SLC35E1: variants seen among roughly 807,000 people sequenced by gnomAD.
SLC35E1 encodes the protein solute carrier family 35 member E1.
SLC35E1 carries 12 observed loss-of-function variants against 31.0 expected under a neutral mutation model. That is an observed-to-expected ratio of 0.39 (90% confidence interval 0.25 to 0.63). SLC35E1 has a LOEUF of 0.63. SLC35E1 is among the 20% of genes least tolerant of loss of function. The pLI, the probability that SLC35E1 is intolerant of heterozygous loss-of-function variation, is 0.52. For synonymous variants in SLC35E1, 257 were observed against 264.1 expected, an observed-to-expected ratio of 0.97 and a Z score of 0.26; for missense variants, 429 against 572.2, an observed-to-expected ratio of 0.75 and a Z score of 2.55.
At chr19:16,554,895 C>A (rs759665046) in intron 5 of SLC35E1, among the ~76,000 whole-genome samples, 24 of 151,682 alleles carry the variant, frequency 1.6e-4, no homozygotes, top group Non-Finnish European at 3.1e-4. Context: ...CCTTACACCG[C>A]ACTAAACAGA....
In SLC35E1 at chr19:16,552,839, A is replaced by G. The variant is rs1192386412; in HGVS notation, c.*840T>C. The G allele has an allele frequency of 2.6e-5, 4 of 152,376 alleles. No homozygotes were observed. The highest frequency in any genetic ancestry group is 6.8e-3 in the Middle Eastern group (2 of 292). The allele number at this position is 152,376 out of a possible 1,614,324, so 9.4% of individuals were successfully genotyped here. On this transcript the variant is annotated 3_prime_UTR_variant, in exon 6 of 6. Coordinates refer to ENST00000595753, the MANE Select transcript of SLC35E1 (RefSeq NM_024881.5). ...CACAGAAGAGGTGAAGATGCCTCTC[A>G]AAAGACATGTGCCACAGAAATAGAG...
intron 2 of SLC35E1, among the ~76,000 whole-genome samples, chr19:16,569,553 C>A (rs2085947708): frequency 6.6e-6 from 1 of 152,188 alleles, no homozygotes; most frequent in South Asian, 2.1e-4. Context: ...GCGTGTCCAG[C>A]TCTTCTGACT....
Position 16,563,822 on chromosome 19 carries a change from T to C in SLC35E1, c.756+2710A>G, listed in dbSNP as rs142926965. On this transcript the variant is annotated intron_variant, in intron 4 of 5. Transcript: ENST00000595753. Reference sequence around the variant, plus strand: ...CCTTTTCTCAGCACTCCAGTTGCAATTGTGCTGTGAGAATGCTCATTCTGA... The same window carrying C: ...CCTTTTCTCAGCACTCCAGTTGCAACTGTGCTGTGAGAATGCTCATTCTGA... Among the ~76,000 whole-genome samples the C allele has an allele frequency of 4.6e-3, 696 of 152,270 alleles. 9 individuals carry two copies. Among genetic ancestry groups the C allele is most frequent in the African/African-American group, 0.016 (647 of 41,554 alleles).
rs2085964866 is a variant in SLC35E1, at chr19:16,572,337, G to A, written c.28C>T (p.His10Tyr). The change falls in exon 1 of 6, where the codon CAC (histidine) becomes TAC (tyrosine). Residue 10 changes from histidine to tyrosine, a missense_variant. Physicochemically the swap from His to Tyr is moderately conservative, Grantham distance 83 (BLOSUM62 2). Coordinates refer to ENST00000595753, the MANE Select transcript of SLC35E1 (RefSeq NM_024881.5). This position sits in a 1 kb window ranked among gnomAD's most constrained non-coding sequence, Gnocchi z 4.1. Reference protein sequence around the residue: MAAAAVGAGHGAGGPGAASS... With the variant: MAAAAVGAGYGAGGPGAASS... ...GCTGCGCCCGGGCCCCCCGCGCCGT[G>A]GCCCGCGCCCACCGCGGCCGCCGCC... The A allele has an allele frequency of 8.9e-7, 1 of 1,125,014 alleles. No individual in the cohort carries two copies. Among genetic ancestry groups the A allele is most frequent in the Non-Finnish European group, 1.1e-6 (1 of 913,990 alleles). 69.7% of individuals were successfully genotyped at this position (1,125,014 alleles called of 1,614,324 possible). A position where few individuals can be genotyped will look rare whatever the true frequency, so the allele number is the denominator to read the frequency against.
chr19:16,556,789 A>G (rs2085877106), intron 4 of SLC35E1: 1 of 461,068 alleles, frequency 2.2e-6, no homozygotes, highest in Non-Finnish European at 4.5e-6. Context: ...CAGGATGTCT[A>G]CCTGACTCCA....
At chr19:16,554,463 G>A (rs932620420) in intron 5 of SLC35E1, among the ~76,000 whole-genome samples, 1 of 152,050 alleles carries the variant, frequency 6.6e-6, no homozygotes, top group Non-Finnish European at 1.5e-5. Flanking sequence ...AGGATCACTT[G>A]AGGCTAGGAG....
chr19:16,567,700 T>C (rs1213785319), intron 3 of SLC35E1, among the ~76,000 whole-genome samples: 3 of 152,106 alleles, frequency 2.0e-5, no homozygotes, highest in Non-Finnish European at 4.4e-5. Flanking sequence ...TAGCTGGGAT[T>C]ACAGATGCGT....
At chr19:16,571,029 C>T (rs971870655) in intron 2 of SLC35E1, among the ~76,000 whole-genome samples, 3 of 147,550 alleles carry the variant, frequency 2.0e-5, no homozygotes, top group African/African-American at 5.0e-5. Flanking sequence ...ACCTGGGAGG[C>T]GGAGGTTGCA....
rs1393696965 is a variant in SLC35E1, at chr19:16,572,355, C to A, written c.10G>T (p.Ala4Ser). The A allele has an allele frequency of 9.7e-7, 1 of 1,026,404 alleles. No individual in the cohort carries two copies. The allele number at this position is 1,026,404 out of a possible 1,614,324, so 63.6% of individuals were successfully genotyped here. A position where few individuals can be genotyped will look rare whatever the true frequency, so the allele number is the denominator to read the frequency against. ...GCGCCGTGGCCCGCGCCCACCGCGG[C>A]CGCCGCCATCCTGCCCGAGCGGCCG... MAAAAVGAGHGAGG... is the reference protein window; with the variant it reads MAASAVGAGHGAGG... Residue 4 changes from alanine (A) to serine (S), a missense_variant, in exon 1 of 6, where the codon GCC becomes TCC. Transcript: ENST00000595753. This position sits in a 1 kb window ranked among gnomAD's most constrained non-coding sequence, Gnocchi z 4.1.
intron 4 of SLC35E1, among the ~76,000 whole-genome samples, chr19:16,562,070 T>C (rs1156450531): frequency 2.0e-5 from 3 of 150,384 alleles, no homozygotes; most frequent in East Asian, 3.9e-4. Context: ...ATAACATACA[T>C]AGCCTCAACT....
chr19:16,555,512 A>C lies in SLC35E1; in HGVS notation c.757-115T>G, dbSNP rs1599315757. On this transcript the variant is annotated intron_variant, in intron 4 of 5. Coordinates refer to ENST00000595753, the MANE Select transcript of SLC35E1 (RefSeq NM_024881.5). This position sits in a 1 kb window ranked among gnomAD's most constrained non-coding sequence, Gnocchi z 4.1. Reference sequence around the variant, plus strand: ...TGTGGAGGGGCTCATCTGGAGCCTCATGGTCCACAGGCAGCCAGTCCAGAT... The same window carrying C: ...TGTGGAGGGGCTCATCTGGAGCCTCCTGGTCCACAGGCAGCCAGTCCAGAT... 1 of 1,423,502 alleles carries C rather than the reference A, an allele frequency of 7.0e-7. No individual in the cohort carries two copies. The highest frequency in any genetic ancestry group is 9.4e-7 in the Non-Finnish European group (1 of 1,065,746). 88.2% of individuals were successfully genotyped at this position (1,423,502 alleles called of 1,614,324 possible).
At chr19:16,554,619 G>A (rs938235933) in intron 5 of SLC35E1, among the ~76,000 whole-genome samples, 1 of 152,084 alleles carries the variant, frequency 6.6e-6, no homozygotes, top group East Asian at 1.9e-4. Context: ...TCAGGAGTTG[G>A]AGGCTGGCCT....
rs2085855713 is a variant in SLC35E1, at chr19:16,553,394, G to T, written c.*285C>A. On this transcript the variant is annotated 3_prime_UTR_variant, in exon 6 of 6. Coordinates refer to ENST00000595753, the MANE Select transcript of SLC35E1 (RefSeq NM_024881.5). ...ATTCCACATGGAAAGGTACAACGTG[G>T]CCAAGATCTCCGCAGGGACACGGCC... The T allele has an allele frequency of 3.8e-6, 1 of 261,230 alleles. No homozygotes were observed. The highest frequency in any genetic ancestry group is 7.2e-6 in the Non-Finnish European group (1 of 138,728). The allele number at this position is 261,230 out of a possible 1,614,324, so 16.2% of individuals were successfully genotyped here. A position where few individuals can be genotyped will look rare whatever the true frequency, so the allele number is the denominator to read the frequency against.
chr19:16,564,459 C>T (rs1034696002), intron 4 of SLC35E1, among the ~76,000 whole-genome samples: 2 of 152,110 alleles, frequency 1.3e-5, no homozygotes, highest in Non-Finnish European at 2.9e-5. Flanking sequence ...GCGTGCACCA[C>T]CATGCCTGGC....
chr19:16,562,080 TA>T (rs890104078), intron 4 of SLC35E1, among the ~76,000 whole-genome samples: 16 of 140,410 alleles, frequency 1.1e-4, no homozygotes, highest in African/African-American at 1.3e-4. Context: ...TAGCCTCAAC[TA>T]AAAAAAAAAG....
intron 4 of SLC35E1, among the ~76,000 whole-genome samples, chr19:16,559,311 G>A (rs1009425852): frequency 6.6e-5 from 10 of 150,510 alleles, no homozygotes; most frequent in East Asian, 4.0e-4. Flanking sequence ...GCAAGACTCC[G>A]TCTAAGGGAA....
At chr19:16,564,301 A>AT (rs965116549) in intron 4 of SLC35E1, 5 of 151,818 alleles carry the variant, frequency 3.3e-5, no homozygotes, top group East Asian at 1.9e-4. Context: ...AGACAGGACA[A>AT]TTTTTTTTTC....
intron 4 of SLC35E1, among the ~76,000 whole-genome samples, chr19:16,559,117 T>C (rs2122330487): frequency 6.6e-6 from 1 of 151,748 alleles, no homozygotes; most frequent in African/African-American, 2.4e-5. Flanking sequence ...ATTTCTGGCC[T>C]CCAGCCTGGC....
In SLC35E1 at chr19:16,555,487, T is replaced by G; in HGVS notation, c.757-90A>C. 6.6e-7 allele frequency: 1 copy of G among 1,526,492 alleles called. No individual in the cohort carries two copies. Among genetic ancestry groups the G allele is most frequent in the African/African-American group, 1.4e-5 (1 of 73,280 alleles). The allele number at this position is 1,526,492 out of a possible 1,614,324, so 94.6% of individuals were successfully genotyped here. On this transcript the variant is annotated intron_variant, in intron 4 of 5. Coordinates refer to ENST00000595753, the MANE Select transcript of SLC35E1 (RefSeq NM_024881.5). This position sits in a 1 kb window ranked among gnomAD's most constrained non-coding sequence, Gnocchi z 4.1. The stretch of plus-strand genomic sequence containing the variant: ...CACCTGGCAGGGTTAGGGGAAGGGA[T>G]GTGGAGGGGCTCATCTGGAGCCTCA...
Sources: allele counts gnomAD v4.1 joint callset (sites outside exome capture counted in the v4.1 genomes callset), GRCh38; gene constraint gnomAD v4.1.1; non-coding constraint Gnocchi (gnomAD v3.1); transcripts MANE v1.5; gene names NCBI Gene and HGNC (gene_info 2026-07-23, HGNC 2026-07-21).